Variants in PTPRN2 observed in about 807,000 individuals in gnomAD.
PTPRN2 encodes the protein receptor-type tyrosine-protein phosphatase N2.
Under a neutral mutation model 118.8 loss-of-function variants are expected in PTPRN2, and 74 were observed. That is an observed-to-expected ratio of 0.62 (90% CI 0.52 to 0.76). PTPRN2 has a LOEUF of 0.76. Among genes scored for constraint, PTPRN2 ranks in the 30% least tolerant of loss-of-function variants. The pLI is 0.00. For missense variants in PTPRN2, 1,481 were observed against 1,394.4 expected, an observed-to-expected ratio of 1.06 and a Z score of -0.99; for synonymous variants, 641 against 608.0, an observed-to-expected ratio of 1.05 and a Z score of -0.80.
chr7:158,264,688 G>A (rs973245995), intron 3 of PTPRN2, among the ~76,000 whole-genome samples: 3 of 152,188 alleles, frequency 2.0e-5, no homozygotes, highest in African/African-American at 4.8e-5. Flanking sequence ...GCCAGGAGCC[G>A]TGGGCTCTCT....
rs79165980 is a variant in PTPRN2, at chr7:157,721,488, C to T, written c.1789-38551G>A. On this transcript the variant is annotated intron_variant, in intron 12 of 22. Coordinates refer to ENST00000389418, the MANE Select transcript of PTPRN2 (RefSeq NM_002847.5). ...AAGCATCTCCACACGTCGAGAGCTT[C>T]GGATGTGCACAGCTGCGTTGCCTCC... Among the ~76,000 whole-genome samples the T allele has an allele frequency of 5.2e-3, 797 of 152,344 alleles. 16 individuals are homozygous for T. The highest frequency in any genetic ancestry group is 0.047 in the East Asian group (244 of 5,178).
intron 11 of PTPRN2, among the ~76,000 whole-genome samples, chr7:157,923,507 C>A (rs1798805816): frequency 6.6e-6 from 1 of 152,224 alleles, no homozygotes; most frequent in Admixed American, 6.5e-5. Flanking sequence ...AGAACATCAT[C>A]CCCGTCTTTC....
chr7:158,301,417 G>GA (rs1281922791), intron 3 of PTPRN2, among the ~76,000 whole-genome samples: 1 of 152,210 alleles, frequency 6.6e-6, no homozygotes, highest in African/African-American at 2.4e-5. Flanking sequence ...TTCCCAAGCA[G>GA]CTAACTAGAA....
chr7:158,077,931 T>G (rs116013381), intron 11 of PTPRN2, among the ~76,000 whole-genome samples: 1 of 152,230 alleles, frequency 6.6e-6, no homozygotes, highest in Non-Finnish European at 1.5e-5. Flanking sequence ...TAAACGTAGC[T>G]ACCAGTCATT....
intron 3 of PTPRN2, among the ~76,000 whole-genome samples, chr7:158,291,394 G>A (rs1235604411): frequency 6.6e-6 from 1 of 152,136 alleles, no homozygotes; most frequent in Non-Finnish European, 1.5e-5. Context: ...AGGGATATGA[G>A]GATATCATTT....
At position 157,903,813 on chromosome 7, in the gene PTPRN2, C is replaced by T. The variant is rs1040492533; in HGVS notation, c.1724-5076G>A. Reference sequence around the variant, plus strand: ...ATTCCTGCCACACACCAAGTGCCGGCGCAAGCGCTTCCCACACTTCAATCC... The same window carrying T: ...ATTCCTGCCACACACCAAGTGCCGGTGCAAGCGCTTCCCACACTTCAATCC... On this transcript the variant is annotated intron_variant, in intron 11 of 22. Transcript: ENST00000389418. This position sits in a 1 kb window ranked among gnomAD's most constrained non-coding sequence, Gnocchi z 4.2. 6.6e-5 allele frequency among the ~76,000 whole-genome samples: 10 copies of T among 152,152 alleles called. No homozygotes were observed. Among genetic ancestry groups the T allele is most frequent in the Non-Finnish European group, 1.0e-4 (7 of 68,026 alleles).
chr7:158,187,577 T>C (rs1825279746), intron 5 of PTPRN2, among the ~76,000 whole-genome samples: 1 of 152,222 alleles, frequency 6.6e-6, no homozygotes, highest in African/African-American at 2.4e-5. Context: ...GACTAAGAGC[T>C]TTCTCCTCAT....
At chr7:158,432,277 G>A (rs978783494) in intron 2 of PTPRN2, among the ~76,000 whole-genome samples, 1 of 152,222 alleles carries the variant, frequency 6.6e-6, no homozygotes, top group African/African-American at 2.4e-5. Flanking sequence ...TTGAGCCAGG[G>A]CGAAAGCACC....
At chr7:158,473,266 T>A (rs990694581) in intron 2 of PTPRN2, among the ~76,000 whole-genome samples, 1 of 152,170 alleles carries the variant, frequency 6.6e-6, no homozygotes, top group African/African-American at 2.4e-5. Context: ...CTCTAAACAC[T>A]GCAGCCACTC....
rs370295829 is a variant in PTPRN2 at position 158,375,104 on chromosome 7, G to GCTCTCAGCTCTCA, written c.164-58173_164-58172insTGAGAGCTGAGAG. ...ATTTCATGGGGGAAACCAGCTCTCA[G>GCTCTCAGCTCTCA]CTGCTTCACGTGGCAGTGAGACCCT... is the stretch of plus-strand genomic sequence containing the variant. On this transcript the variant is annotated intron_variant, in intron 2 of 22. Coordinates refer to ENST00000389418, the MANE Select transcript of PTPRN2 (RefSeq NM_002847.5). 7.2e-3 allele frequency among the ~76,000 whole-genome samples: 1,095 copies of GCTCTCAGCTCTCA among 152,304 alleles called. 10 individuals are homozygous for GCTCTCAGCTCTCA. The highest frequency in any genetic ancestry group is 0.025 in the African/African-American group (1,042 of 41,572).
At chr7:158,474,638 C>G (rs1820106697) in intron 2 of PTPRN2, among the ~76,000 whole-genome samples, 1 of 152,142 alleles carries the variant, frequency 6.6e-6, no homozygotes, top group African/African-American at 2.4e-5. Flanking sequence ...CGAGAGGGAC[C>G]CTCTTCCCAA....
chr7:158,239,621 G>A (rs145773202), intron 3 of PTPRN2, among the ~76,000 whole-genome samples: 11 of 152,276 alleles, frequency 7.2e-5, no homozygotes, highest in South Asian at 6.2e-4. Flanking sequence ...TTCTCCTCTC[G>A]GAGCTCAAGG....
Position 158,405,176 on chromosome 7 carries a change from C to A in PTPRN2, c.163+84559G>T, listed in dbSNP as rs1333597713. 2.6e-5 allele frequency among the ~76,000 whole-genome samples: 4 copies of A among 152,250 alleles called. No homozygotes were observed. In the South Asian group the frequency reaches 6.2e-4, roughly 24 times the overall value. On this transcript the variant is annotated intron_variant, in intron 2 of 22. Coordinates refer to ENST00000389418, the MANE Select transcript of PTPRN2 (RefSeq NM_002847.5). The stretch of plus-strand genomic sequence containing the variant: ...AAAGACAGCATCACGAACATCCACA[C>A]CCCCTAGGATGCCTGGAGTCCACAT...
intron 10 of PTPRN2, among the ~76,000 whole-genome samples, chr7:158,091,651 T>C (rs1814134918): frequency 6.9e-6 from 1 of 145,954 alleles, no homozygotes; most frequent in African/African-American, 2.6e-5. Context: ...AGATAGGTGA[T>C]GGATGGGTAG....
chr7:157,634,007 A>ATGGGGAACAGCGCG (rs1172699653), intron 14 of PTPRN2, among the ~76,000 whole-genome samples: 1 of 152,114 alleles, frequency 6.6e-6, no homozygotes, highest in Non-Finnish European at 1.5e-5. Context: ...TGGCTGTGGC[A>ATGGGGAACAGCGCG]TGGGGAACAG....
intron 3 of PTPRN2, among the ~76,000 whole-genome samples, chr7:158,287,414 G>A (rs2151014081): frequency 6.6e-6 from 1 of 152,112 alleles, no homozygotes; most frequent in South Asian, 2.1e-4. Flanking sequence ...ATATTAGGTT[G>A]TTTATTTGGA....
chr7:157,904,450 C>T (rs1797646917), intron 11 of PTPRN2, among the ~76,000 whole-genome samples: 1 of 152,220 alleles, frequency 6.6e-6, no homozygotes, highest in South Asian at 2.1e-4. Context: ...GACATCCAAC[C>T]TGCCAGCTCA....
At chr7:157,834,073 T>C (rs1302678086) in intron 12 of PTPRN2, among the ~76,000 whole-genome samples, 15 of 145,176 alleles carry the variant, frequency 1.0e-4, no homozygotes, top group Middle Eastern at 3.9e-3. Context: ...GCCAGCAGCA[T>C]TCCCTGTGAT....
chr7:158,314,306 C>T (rs892118864), intron 3 of PTPRN2, among the ~76,000 whole-genome samples: 3 of 152,204 alleles, frequency 2.0e-5, no homozygotes, highest in African/African-American at 7.2e-5. Flanking sequence ...TGAGGCTTTT[C>T]CCTCTTCTCA....
Sources: allele counts gnomAD v4.1 joint callset (sites outside exome capture counted in the v4.1 genomes callset), GRCh38; gene constraint gnomAD v4.1.1; non-coding constraint Gnocchi (gnomAD v3.1); transcripts MANE v1.5; gene names NCBI Gene and HGNC (gene_info 2026-07-23, HGNC 2026-07-21).